The following LRIF1 variants were observed in gnomAD, a reference collection of about 807,000 sequenced individuals.
LRIF1 encodes the protein ligand dependent nuclear receptor interacting factor 1, also known as ligand-dependent nuclear receptor-interacting factor 1.
In LRIF1, 32 loss-of-function variants were observed where a neutral mutation model predicts 52.7. The ratio of observed to expected loss-of-function variants is 0.61; its 90% CI spans 0.46 to 0.82. LRIF1 has a LOEUF of 0.82. Among genes scored for constraint, LRIF1 ranks in the 40% least tolerant of loss-of-function variants. The probability of loss-of-function intolerance (pLI) is 0.00; values close to 1 mark genes in which losing one functional copy is unlikely to be tolerated. For missense variants in LRIF1, 887 were observed against 892.0 expected (o/e 0.99, Z 0.07); for synonymous variants, 323 against 317.4 (o/e 1.02, Z -0.19).
downstream of LRIF1, among the ~76,000 whole-genome samples, chr1:110,943,146 T>C (rs1282006): frequency 0.99 from 150,429 of 152,290 alleles, 74,320 homozygotes; most frequent in Middle Eastern, 1. Context: ...TCAAATGCTA[T>C]TGACAGGTCA....
At chr1:110,928,985 C>A in the LRIF1 span, among the ~76,000 whole-genome samples, 1 of 152,092 alleles carries the variant, frequency 6.6e-6, no homozygotes, top group Non-Finnish European at 1.5e-5. Flanking sequence ...TGCTTTAAAC[C>A]TTTTTATTTT....
rs1013522050 is a variant in LRIF1 at position 110,957,330 on chromosome 1, G to C, written c.69-4515C>G. Among the ~76,000 whole-genome samples the C allele has an allele frequency of 1.1e-4, 17 of 148,178 alleles. No homozygotes were observed. In the East Asian group the frequency reaches 3.1e-3, roughly 27 times the overall value. ...AAAAAAAAAAAAAAAAAAATTAGCC[G>C]GGCGTGGTAGCAAGCGCCTGTAGTC... On this transcript the variant is annotated intron_variant, in intron 1 of 3. Transcript: ENST00000369763.
At chr1:110,948,743 GA>G (rs1289776504) in intron 3 of LRIF1, among the ~76,000 whole-genome samples, 1 of 152,170 alleles carries the variant, frequency 6.6e-6, no homozygotes, top group Non-Finnish European at 1.5e-5. Flanking sequence ...GGCACATATG[GA>G]GGATTTTCAT....
the LRIF1 span, among the ~76,000 whole-genome samples, chr1:110,911,178 C>A: frequency 6.6e-6 from 1 of 150,976 alleles, no homozygotes; most frequent in Admixed American, 6.6e-5. Context: ...TACCCTCAAC[C>A]CCCCAGGGAA....
the LRIF1 span, among the ~76,000 whole-genome samples, chr1:110,893,913 T>C: frequency 6.6e-6 from 1 of 152,312 alleles, no homozygotes; most frequent in African/African-American, 2.4e-5. Context: ...TGTACAGGGC[T>C]CCTCTCAGCC....
chr1:110,963,830 G>A lies in LRIF1; in HGVS notation c.-142C>T. ...TGTGAGGGGTTCGACCTTAACGGAG[G>A]GCGACAGCGGGCTCTCGAGAGGGTG... On this transcript the variant is annotated 5_prime_UTR_variant, in exon 1 of 4. Coordinates refer to ENST00000369763, the MANE Select transcript of LRIF1 (RefSeq NM_018372.4). The A allele has an allele frequency of 1.0e-5, 6 of 585,462 alleles. No individual in the cohort carries two copies. The Admixed American group carries it at 1.1e-4, about 11-fold the overall frequency. The allele number at this position is 585,462 out of a possible 1,614,324, so 36.3% of individuals were successfully genotyped here. A position where few individuals can be genotyped will look rare whatever the true frequency, so the allele number is the denominator to read the frequency against.
the LRIF1 span, among the ~76,000 whole-genome samples, chr1:110,921,920 C>G: frequency 6.6e-6 from 1 of 152,046 alleles, no homozygotes; most frequent in Admixed American, 6.6e-5. Flanking sequence ...ATGCCATCAC[C>G]CAGGTGTTAA....
the LRIF1 span, among the ~76,000 whole-genome samples, chr1:110,921,061 A>G: frequency 0.057 from 8,715 of 152,288 alleles, 289 homozygotes; most frequent in East Asian, 0.14. Context: ...TGACTTTCCA[A>G]AACCAGAATC....
At chr1:110,932,591 G>A in the LRIF1 span, among the ~76,000 whole-genome samples, 8 of 152,160 alleles carry the variant, frequency 5.3e-5, no homozygotes, top group East Asian at 1.9e-4. Flanking sequence ...CCATTTTTAC[G>A]ATATTGATTC....
At chr1:110,957,882 TTTC>T (rs1314643207) in intron 1 of LRIF1, among the ~76,000 whole-genome samples, 1 of 152,232 alleles carries the variant, frequency 6.6e-6, no homozygotes, top group African/African-American at 2.4e-5. Flanking sequence ...TCTATACGGT[TTTC>T]TTTTTAACCC....
At chr1:110,894,859 G>T in the LRIF1 span, 1 of 841,878 alleles carries the variant, frequency 1.2e-6, no homozygotes, top group East Asian at 2.5e-5. Context: ...CCATTTGGAA[G>T]GGAAGCGCAA....
the LRIF1 span, among the ~76,000 whole-genome samples, chr1:110,924,565 C>CG: frequency 6.6e-6 from 1 of 152,170 alleles, no homozygotes; most frequent in African/African-American, 2.4e-5. Context: ...AACTCACTGT[C>CG]GTGAGAACTC....
chr1:110,928,998 T>A, the LRIF1 span, among the ~76,000 whole-genome samples: 1 of 152,196 alleles, frequency 6.6e-6, no homozygotes, highest in East Asian at 1.9e-4. Flanking sequence ...TTTATTTTCA[T>A]CGAATTTTAT....
chr1:110,875,574 GC>G, the LRIF1 span, among the ~76,000 whole-genome samples: 2 of 152,162 alleles, frequency 1.3e-5, no homozygotes, highest in African/African-American at 4.8e-5. Context: ...AGATTAGTCA[GC>G]CTAGGGCACT....
At chr1:110,930,278 G>A in the LRIF1 span, among the ~76,000 whole-genome samples, 423 of 152,186 alleles carry the variant, frequency 2.8e-3, 1 homozygote, top group African/African-American at 9.8e-3. Flanking sequence ...GGGTTTATTT[G>A]TTAAAGCATT....
At chr1:110,900,760 A>C in the LRIF1 span, among the ~76,000 whole-genome samples, 14 of 151,872 alleles carry the variant, frequency 9.2e-5, no homozygotes, top group East Asian at 1.5e-3. Context: ...CAAAAAAAAA[A>C]AAAAACAAAA....
the LRIF1 span, among the ~76,000 whole-genome samples, chr1:110,927,322 C>T: frequency 6.6e-6 from 1 of 152,032 alleles, no homozygotes; most frequent in South Asian, 2.1e-4. Flanking sequence ...TTGTGAGGAG[C>T]TATTGTCTTT....
chr1:110,927,338 T>A, the LRIF1 span, among the ~76,000 whole-genome samples: 1 of 152,118 alleles, frequency 6.6e-6, no homozygotes, highest in African/African-American at 2.4e-5. Context: ...TCTTTCCTCC[T>A]GATCCTAGAA....
chr1:110,875,881 T>A, the LRIF1 span, among the ~76,000 whole-genome samples: 12 of 152,092 alleles, frequency 7.9e-5, no homozygotes, highest in Non-Finnish European at 1.2e-4. Context: ...CCACTCAGAG[T>A]AAAGGCCAGG....
Sources: allele counts gnomAD v4.1 joint callset (sites outside exome capture counted in the v4.1 genomes callset), GRCh38; gene constraint gnomAD v4.1.1; transcripts MANE v1.5; gene names NCBI Gene and HGNC (gene_info 2026-07-23, HGNC 2026-07-21).